Variants in PPP2R2C observed in about 807,000 individuals in gnomAD.
The protein encoded by PPP2R2C is protein phosphatase 2 regulatory subunit Bgamma, also known as protein phosphatase 2, regulatory subunit B, gamma.
Under a neutral mutation model 45.3 loss-of-function variants are expected in PPP2R2C, and 10 were observed. The ratio of observed to expected loss-of-function variants is 0.22; its 90% CI spans 0.14 to 0.37. The LOEUF is 0.37. Among genes scored for constraint, PPP2R2C ranks in the 10% least tolerant of loss-of-function variants. The probability of loss-of-function intolerance (pLI) is 1.00; values close to 1 mark genes in which losing one functional copy is unlikely to be tolerated. For synonymous variants in PPP2R2C, 257 were observed against 245.4 expected, an observed-to-expected ratio of 1.05 and a Z score of -0.44; for missense variants, 308 against 619.7, an observed-to-expected ratio of 0.50 and a Z score of 5.34.
At chr4:6,554,937 A>AGGT in intron 1 of PPP2R2C, among the ~76,000 whole-genome samples, 1 of 67,274 alleles carries the variant, frequency 1.5e-5, no homozygotes, top group Non-Finnish European at 3.4e-5. Flanking sequence ...GAAGGAAAGA[A>AGGT]AGAAAGAAAG....
chr4:6,379,238 C>T lies in PPP2R2C; in HGVS notation c.169-666G>A, dbSNP rs1577127609. Among the ~76,000 whole-genome samples the T allele has an allele frequency of 3.3e-5, 5 of 152,158 alleles. No homozygotes were observed. The East Asian group carries it at 9.7e-4, about 29-fold the overall frequency. On this transcript the variant is annotated intron_variant, in intron 2 of 8. Coordinates refer to ENST00000382599, the MANE Select transcript of PPP2R2C (RefSeq NM_020416.4). Reference sequence around the variant, plus strand: ...CCTGGTTTAGGCAGCAGAGCTCCTTCTAATAAAGACCCTTGACCGTGGAGC... The same window carrying T: ...CCTGGTTTAGGCAGCAGAGCTCCTTTTAATAAAGACCCTTGACCGTGGAGC...
At position 6,365,157 on chromosome 4, in the gene PPP2R2C, A is replaced by T. The variant is rs140636634; in HGVS notation, c.625+7366T>A. Reference sequence around the variant, plus strand: ...GACCCTGTCTGCTTCCCTAGCACCAAGTCCAATGCTCAACACAGAGAAGAC... The same window carrying T: ...GACCCTGTCTGCTTCCCTAGCACCATGTCCAATGCTCAACACAGAGAAGAC... On this transcript the variant is annotated intron_variant, in intron 5 of 8. Coordinates refer to ENST00000382599, the MANE Select transcript of PPP2R2C (RefSeq NM_020416.4). Among the ~76,000 whole-genome samples the T allele has an allele frequency of 2.9e-3, 435 of 152,310 alleles. 2 individuals carry two copies. The highest frequency in any genetic ancestry group is 0.01 in the Middle Eastern group (3 of 294).
chr4:6,464,070 A>C (rs531722133), intron 1 of PPP2R2C, among the ~76,000 whole-genome samples: 2 of 152,312 alleles, frequency 1.3e-5, no homozygotes, highest in East Asian at 3.9e-4. Flanking sequence ...AAACTATGTG[A>C]CATTGAACAA....
At chr4:6,482,981 T>C (rs574425152) in intron 2 of PPP2R2C, among the ~76,000 whole-genome samples, 22 of 12,202 alleles carry the variant, frequency 1.8e-3, no homozygotes, top group Non-Finnish European at 9.1e-3. Context: ...TTTTGTGGTA[T>C]CTATTAATAA....
chr4:6,552,230 C>A (rs1439987285), intron 1 of PPP2R2C, among the ~76,000 whole-genome samples: 2 of 152,230 alleles, frequency 1.3e-5, no homozygotes, highest in African/African-American at 4.8e-5. Flanking sequence ...CCTATGGCTG[C>A]TGTAACACAT....
chr4:6,338,457 G>C (rs1313207143), intron 6 of PPP2R2C, among the ~76,000 whole-genome samples: 2 of 152,170 alleles, frequency 1.3e-5, no homozygotes, highest in African/African-American at 4.8e-5. Context: ...CCAAGGTGTG[G>C]GGCGGCTCTG....
At position 6,345,172 on chromosome 4, in the gene PPP2R2C, C is replaced by T. The variant is rs1036475930; in HGVS notation, c.790+2674G>A. On this transcript the variant is annotated intron_variant, in intron 6 of 8. Coordinates refer to ENST00000382599, the MANE Select transcript of PPP2R2C (RefSeq NM_020416.4). This position sits in a 1 kb window ranked among gnomAD's most constrained non-coding sequence, Gnocchi z 5.3. ...CATCCTCCTTCCCACAGGGCTCACA[C>T]GGGGTCAGCAGCGGACCAGGAGCAG... Among the ~76,000 whole-genome samples the T allele has an allele frequency of 2.0e-5, 3 of 152,170 alleles. No individual in the cohort carries two copies. The highest frequency in any genetic ancestry group is 7.2e-5 in the African/African-American group (3 of 41,426).
chr4:6,517,933 G>T (rs73209705), intron 2 of PPP2R2C, among the ~76,000 whole-genome samples: 11,734 of 152,196 alleles, frequency 0.077, 477 homozygotes, highest in Non-Finnish European at 0.097. Flanking sequence ...ACAGTCCCAG[G>T]TGAGGCCAGA....
intron 2 of PPP2R2C, among the ~76,000 whole-genome samples, chr4:6,499,997 G>T (rs140183939): frequency 6.6e-6 from 1 of 152,290 alleles, no homozygotes; most frequent in East Asian, 1.9e-4. Context: ...ATGTATTTCT[G>T]CCTGCTCCCA....
chr4:6,443,423 C>T (rs1720254308), intron 1 of PPP2R2C, among the ~76,000 whole-genome samples: 1 of 152,212 alleles, frequency 6.6e-6, no homozygotes, highest in Non-Finnish European at 1.5e-5. Context: ...CTGGGTAAAG[C>T]CCCAAGGCCG....
intron 6 of PPP2R2C, among the ~76,000 whole-genome samples, chr4:6,342,128 A>G (rs1043505024): frequency 2.3e-5 from 3 of 130,810 alleles, no homozygotes; most frequent in African/African-American, 3.4e-5. Context: ...ACACACACAC[A>G]TACATATATA....
At chr4:6,363,874 G>T (rs185000660) in intron 5 of PPP2R2C, among the ~76,000 whole-genome samples, 1 of 152,284 alleles carries the variant, frequency 6.6e-6, no homozygotes, top group East Asian at 1.9e-4. Context: ...ACTGCCAGGG[G>T]ACCACGTGGC....
chr4:6,337,150 A>G (rs182484020), intron 6 of PPP2R2C, among the ~76,000 whole-genome samples: 3,553 of 86,456 alleles, frequency 0.041, 492 homozygotes, highest in African/African-American at 0.15. Flanking sequence ...ATATATATAT[A>G]TATATATATA....
intron 1 of PPP2R2C, among the ~76,000 whole-genome samples, chr4:6,418,558 G>A (rs1718750878): frequency 6.6e-6 from 1 of 152,220 alleles, no homozygotes; most frequent in Admixed American, 6.5e-5. Flanking sequence ...GCTAGGGTAG[G>A]GTGGGATCAA....
intron 1 of PPP2R2C, among the ~76,000 whole-genome samples, chr4:6,426,167 G>A (rs868147575): frequency 6.6e-6 from 1 of 152,218 alleles, no homozygotes; most frequent in Non-Finnish European, 1.5e-5. Context: ...GCCCAGCCTT[G>A]GGGTGTCAGG....
At chr4:6,504,951 A>T (rs1288642336) in intron 2 of PPP2R2C, among the ~76,000 whole-genome samples, 3 of 152,186 alleles carry the variant, frequency 2.0e-5, no homozygotes, top group African/African-American at 7.2e-5. Flanking sequence ...AGTTCAGCGA[A>T]TCTCAAGCAG....
chr4:6,403,434 C>T (rs1007084690), intron 1 of PPP2R2C, among the ~76,000 whole-genome samples: 1 of 152,208 alleles, frequency 6.6e-6, no homozygotes, highest in African/African-American at 2.4e-5. Context: ...GCACTTCAAT[C>T]CCAGCTCTGT....
At chr4:6,406,447 T>C (rs767319514) in intron 1 of PPP2R2C, among the ~76,000 whole-genome samples, 11 of 152,262 alleles carry the variant, frequency 7.2e-5, no homozygotes, top group Non-Finnish European at 1.0e-4. Context: ...GTACACACTC[T>C]TGGCAGGGTG....
intron 1 of PPP2R2C, among the ~76,000 whole-genome samples, chr4:6,388,571 T>C (rs1327928716): frequency 6.6e-6 from 1 of 151,750 alleles, no homozygotes; most frequent in Non-Finnish European, 1.5e-5. Context: ...GAGGAGGCCA[T>C]GGGGAGACAG....
Sources: gnomAD v4.1 joint callset for allele counts (sites outside exome capture counted in the v4.1 genomes callset) on GRCh38, gnomAD v4.1.1 for gene constraint, Gnocchi (gnomAD v3.1) non-coding constraint, MANE v1.5 for transcripts, NCBI Gene and HGNC (gene_info 2026-07-23, HGNC 2026-07-21) for gene names.